Variants in SLC26A5 observed in about 807,000 individuals in gnomAD.
SLC26A5 encodes solute carrier family 26 member 5.
Under a neutral mutation model 81.0 loss-of-function variants are expected in SLC26A5, and 51 were observed. The observed-to-expected ratio is 0.63, with a 90% CI of 0.50 to 0.80. The LOEUF (loss-of-function observed/expected upper bound fraction) is 0.80, where lower values mean the gene tolerates loss of function less well. SLC26A5 is among the 30% of genes least tolerant of loss of function. SLC26A5 has a pLI of 0.00. For missense variants in SLC26A5, 771 were observed against 905.8 expected (o/e 0.85, Z 1.91); for synonymous variants, 325 against 332.8 (o/e 0.98, Z 0.25).
At chr7:103,440,621 A>G (rs1826804771) in intron 2 of SLC26A5, among the ~76,000 whole-genome samples, 1 of 152,218 alleles carries the variant, frequency 6.6e-6, no homozygotes, top group Non-Finnish European at 1.5e-5. Context: ...GCCCAATACT[A>G]CTAAATCTTT....
At position 103,377,645 on chromosome 7, in the gene SLC26A5, G is replaced by A. The variant is rs1473350730; in HGVS notation, c.1940C>T (p.Thr647Ile). 2 of 1,614,094 alleles carry A rather than the reference G, an allele frequency of 1.2e-6. No homozygotes were observed. The highest frequency in any genetic ancestry group is 1.1e-5 in the South Asian group (1 of 91,068). Residue 647 changes from threonine to isoleucine, a missense_variant, in exon 18 of 20, where the codon ACT becomes ATT. Thr to Ile is a moderately conservative substitution (Grantham distance 89). Coordinates refer to ENST00000306312, the MANE Select transcript of SLC26A5 (RefSeq NM_198999.3). The stretch of plus-strand genomic sequence containing the variant: ...AACAGAATCAATAAAATTGACTTGA[G>A]TGAAATCCAAAATGACAGTGTGGAC... ...DNVHTVILDFTQVNFIDSVGV... is the reference protein window; with the variant it reads ...DNVHTVILDFIQVNFIDSVGV...
intron 2 of SLC26A5, among the ~76,000 whole-genome samples, chr7:103,422,655 A>G (rs1402282154): frequency 6.6e-6 from 1 of 152,210 alleles, no homozygotes; most frequent in African/African-American, 2.4e-5. Context: ...TTTGTAAAAA[A>G]AAGAACTGGC....
intron 9 of SLC26A5, among the ~76,000 whole-genome samples, chr7:103,395,486 C>T (rs951775640): frequency 4.9e-4 from 64 of 129,816 alleles, no homozygotes; most frequent in Middle Eastern, 8.0e-3. Context: ...TATATATATA[C>T]GCATATATAT....
intron 2 of SLC26A5, among the ~76,000 whole-genome samples, chr7:103,427,922 G>T (rs913664043): frequency 6.7e-6 from 1 of 149,248 alleles, no homozygotes; most frequent in African/African-American, 2.5e-5. Context: ...GTGCGATCTT[G>T]GCTCACTGCA....
At chr7:103,400,015 G>C (rs974090447) in intron 8 of SLC26A5, among the ~76,000 whole-genome samples, 1 of 151,928 alleles carries the variant, frequency 6.6e-6, no homozygotes, top group Non-Finnish European at 1.5e-5. Context: ...ATTGTGAATA[G>C]TGCTGCAATA....
At chr7:103,400,553 C>A (rs1417745547) in intron 8 of SLC26A5, among the ~76,000 whole-genome samples, 1 of 152,206 alleles carries the variant, frequency 6.6e-6, no homozygotes, top group Non-Finnish European at 1.5e-5. Flanking sequence ...TTTTGCTGTG[C>A]AGAAGCTCTT....
At chr7:103,444,663 G>A (rs1380384919) in intron 1 of SLC26A5, among the ~76,000 whole-genome samples, 1 of 152,180 alleles carries the variant, frequency 6.6e-6, no homozygotes, top group African/African-American at 2.4e-5. Flanking sequence ...ACTCTGTATA[G>A]TTTCAGAGTA....
At chr7:103,385,687 T>TTTTTC (rs757290661) in intron 14 of SLC26A5, among the ~76,000 whole-genome samples, 1 of 150,470 alleles carries the variant, frequency 6.6e-6, no homozygotes, top group Non-Finnish European at 1.5e-5. Context: ...AGCTTTTATT[T>TTTTTC]TTTTCTTTTC....
intron 7 of SLC26A5, among the ~76,000 whole-genome samples, chr7:103,410,160 C>T (rs1218657667): frequency 1.3e-5 from 2 of 152,118 alleles, no homozygotes; most frequent in African/African-American, 2.4e-5. Flanking sequence ...GCAAAAAATT[C>T]CTTGTGAAGT....
chr7:103,417,696 C>T (rs959620595), intron 4 of SLC26A5, among the ~76,000 whole-genome samples: 7 of 152,148 alleles, frequency 4.6e-5, no homozygotes, highest in Admixed American at 3.3e-4. Flanking sequence ...ATCTCACAAG[C>T]ATCTCAAATT....
At chr7:103,406,474 C>A (rs1476689737) in intron 8 of SLC26A5, among the ~76,000 whole-genome samples, 1 of 152,170 alleles carries the variant, frequency 6.6e-6, no homozygotes, top group East Asian at 1.9e-4. Flanking sequence ...TGAAGTGATG[C>A]CCCACCCTGG....
At chr7:103,361,540 C>T (rs1401169644) in intron 19 of SLC26A5, among the ~76,000 whole-genome samples, 3 of 132,396 alleles carry the variant, frequency 2.3e-5, no homozygotes, top group African/African-American at 8.7e-5. Context: ...AAAAGAAAAA[C>T]GGATTTAAAG....
intron 14 of SLC26A5, among the ~76,000 whole-genome samples, chr7:103,384,893 C>T (rs1474342830): frequency 6.6e-6 from 1 of 152,058 alleles, no homozygotes; most frequent in East Asian, 1.9e-4. Flanking sequence ...ATCATGATTA[C>T]GTGTCTGTCA....
intron 1 of SLC26A5, 54 bp from the exon 2 acceptor site, chr7:103,443,265 T>C (rs762048950): frequency 2.0e-5 from 3 of 152,250 alleles, no homozygotes; most frequent in Non-Finnish European, 4.4e-5. Context: ...GTTTGTTTTT[T>C]GAAAGAAGCT....
chr7:103,384,637 G>C (rs181732075), intron 14 of SLC26A5, among the ~76,000 whole-genome samples: 1 of 152,046 alleles, frequency 6.6e-6, no homozygotes, highest in Admixed American at 6.5e-5. Flanking sequence ...GTGCTGATTT[G>C]TCAGCTTCTG....
rs371468287 is a variant in SLC26A5 at position 103,388,125 on chromosome 7, C to G, written c.1514+883G>C. Among the ~76,000 whole-genome samples the G allele has an allele frequency of 3.4e-4, 52 of 151,426 alleles. No homozygotes were observed. The East Asian group carries it at 7.0e-3, about 20-fold the overall frequency. ...GCTGGTCTTGGCCTCAAGTGATCCT[C>G]CCACCTCAGCCTTCCAAAGGGCTGG... On this transcript the variant is annotated intron_variant, in intron 14 of 19. Coordinates refer to ENST00000306312, the MANE Select transcript of SLC26A5 (RefSeq NM_198999.3).
At chr7:103,377,299 T>C (rs1180626148) in intron 18 of SLC26A5, among the ~76,000 whole-genome samples, 2 of 152,134 alleles carry the variant, frequency 1.3e-5, no homozygotes, top group African/African-American at 2.4e-5. Context: ...GCAATACACA[T>C]TAAAATATTT....
chr7:103,383,750 C>T (rs910659304), intron 14 of SLC26A5, among the ~76,000 whole-genome samples: 5 of 152,144 alleles, frequency 3.3e-5, no homozygotes, highest in Non-Finnish European at 7.3e-5. Context: ...TCATGGCTCA[C>T]TGTAGCCTTG....
chr7:103,369,674 G>A (rs1411725654), downstream of SLC26A5, among the ~76,000 whole-genome samples: 1 of 152,194 alleles, frequency 6.6e-6, no homozygotes, highest in Admixed American at 6.5e-5. Context: ...ACATTTACCA[G>A]TAACTTCCTC....
Sources: allele counts gnomAD v4.1 joint callset (sites outside exome capture counted in the v4.1 genomes callset), GRCh38; gene constraint gnomAD v4.1.1; transcripts MANE v1.5; gene names NCBI Gene and HGNC (gene_info 2026-07-23, HGNC 2026-07-21).